Variants in NTN1 observed in about 807,000 individuals in gnomAD.
NTN1 encodes netrin 1, also known as netrin-1.
In NTN1, 11 loss-of-function variants were observed where a neutral mutation model predicts 54.2. That is an observed-to-expected ratio of 0.20 (90% CI 0.13 to 0.34). The LOEUF is 0.34. Ranked by LOEUF, NTN1 falls within the 10% of genes least tolerant of loss-of-function variation. The pLI, the probability that NTN1 is intolerant of heterozygous loss-of-function variation, is 1.00. For missense variants in NTN1, 740 were observed against 893.1 expected (o/e 0.83, Z 2.18); for synonymous variants, 371 against 382.0 (o/e 0.97, Z 0.33).
intron 2 of NTN1, among the ~76,000 whole-genome samples, chr17:9,118,959 G>A (rs901718352): frequency 2.0e-5 from 3 of 152,154 alleles, no homozygotes; most frequent in African/African-American, 7.2e-5. Flanking sequence ...CTTGCTATGA[G>A]TATTTGTGTG....
intron 2 of NTN1, among the ~76,000 whole-genome samples, chr17:9,043,359 C>G (rs903811834): frequency 2.6e-5 from 4 of 152,128 alleles, no homozygotes; most frequent in African/African-American, 9.7e-5. Flanking sequence ...TTTAAAAAAT[C>G]TATAACACTG....
intron 2 of NTN1, among the ~76,000 whole-genome samples, chr17:9,078,423 C>G (rs1202351876): frequency 1.3e-5 from 2 of 152,180 alleles, no homozygotes; most frequent in Non-Finnish European, 2.9e-5. Context: ...CATCTGGGAG[C>G]AGGTGAGGGA....
At chr17:9,056,827 C>T (rs1340992008) in intron 2 of NTN1, among the ~76,000 whole-genome samples, 2 of 152,142 alleles carry the variant, frequency 1.3e-5, no homozygotes, top group African/African-American at 4.8e-5. Context: ...TGAGATGTGG[C>T]AATGGCTTTT....
chr17:9,074,618 G>C (rs190361331), intron 2 of NTN1, among the ~76,000 whole-genome samples: 16 of 152,328 alleles, frequency 1.1e-4, no homozygotes, highest in East Asian at 5.8e-4. Flanking sequence ...CTGGGGAGGT[G>C]AAACACTTCT....
At position 9,022,328 on chromosome 17, in the gene NTN1, C is replaced by T; in HGVS notation, c.-46C>T. ...CTCCGCAGGCGCCTTCTGCGGCAGGCGGACAGATCCTCGGCGCGGCAGGGC... is the reference window on the plus strand; with the variant it reads ...CTCCGCAGGCGCCTTCTGCGGCAGGTGGACAGATCCTCGGCGCGGCAGGGC... On this transcript the variant is annotated 5_prime_UTR_variant, in exon 2 of 7. Coordinates refer to ENST00000173229, the MANE Select transcript of NTN1 (RefSeq NM_004822.3). 1.6e-6 allele frequency: 2 copies of T among 1,264,840 alleles called. No homozygotes were observed. The highest frequency in any genetic ancestry group is 2.0e-6 in the Non-Finnish European group (2 of 1,010,262). The allele number at this position is 1,264,840 out of a possible 1,614,324, so 78.4% of individuals were successfully genotyped here.
At chr17:9,142,459 G>A (rs2092301085) in intron 2 of NTN1, among the ~76,000 whole-genome samples, 1 of 152,038 alleles carries the variant, frequency 6.6e-6, no homozygotes, top group Non-Finnish European at 1.5e-5. Flanking sequence ...GGCTTAGCCA[G>A]CAGCAGGTAG....
At chr17:9,029,757 G>C (rs1380561455) in intron 2 of NTN1, among the ~76,000 whole-genome samples, 2 of 152,232 alleles carry the variant, frequency 1.3e-5, no homozygotes, top group Admixed American at 1.3e-4. Flanking sequence ...ACTTTGGGAG[G>C]TTGAGGCGGG....
In NTN1 at chr17:9,230,253, C is replaced by A. The variant is rs376409873; in HGVS notation, c.1486+9011C>A. ...CACCCTGGGGGCTGTCCCCCAAGGTCAGGGCCCCTGCTGTGGGCCCAGAGG... is the reference window on the plus strand; with the variant it reads ...CACCCTGGGGGCTGTCCCCCAAGGTAAGGGCCCCTGCTGTGGGCCCAGAGG... On this transcript the variant is annotated intron_variant, in intron 6 of 6. Coordinates refer to ENST00000173229, the MANE Select transcript of NTN1 (RefSeq NM_004822.3). Among the ~76,000 whole-genome samples, 12 of 152,256 alleles carry A rather than the reference C, an allele frequency of 7.9e-5. No homozygotes were observed. In the East Asian group the frequency reaches 9.7e-4, roughly 12 times the overall value.
Position 9,045,239 on chromosome 17 carries a change from A to G in NTN1, c.1018+21848A>G, listed in dbSNP as rs977493958. Among the ~76,000 whole-genome samples the G allele has an allele frequency of 1.9e-4, 29 of 152,266 alleles. 2 individuals carry two copies. Among genetic ancestry groups the G allele is most frequent in the Admixed American group, 2.0e-4 (3 of 15,288 alleles). On this transcript the variant is annotated intron_variant, in intron 2 of 6. Transcript: ENST00000173229. ...GGCTCACTCCCGTCTGTACATGAGC[A>G]TCTGCCTCATTGCCTTTTGGCCTGG...
At chr17:9,005,587 G>A in the NTN1 span, among the ~76,000 whole-genome samples, 1 of 152,168 alleles carries the variant, frequency 6.6e-6, no homozygotes, top group Non-Finnish European at 1.5e-5. Context: ...GGGGAATGCA[G>A]CCCAAATCAG....
the NTN1 span, among the ~76,000 whole-genome samples, chr17:9,009,347 G>C: frequency 2.6e-5 from 4 of 152,188 alleles, no homozygotes; most frequent in Non-Finnish European, 4.4e-5. Context: ...TGCTTGGCCA[G>C]AGGCTAGGAA....
rs547106843 is a variant in NTN1, at chr17:9,075,474, C to T, written c.1018+52083C>T. 7.6e-4 allele frequency among the ~76,000 whole-genome samples: 116 copies of T among 152,104 alleles called. 1 individual carries two copies. Among genetic ancestry groups the T allele is most frequent in the Middle Eastern group, 6.8e-3 (2 of 294 alleles). ...TCCAGCTGGGTGACAGAGGGAGACT[C>T]CATCTCAAACAAAAACAAAAACAAA... On this transcript the variant is annotated intron_variant, in intron 2 of 6. Coordinates refer to ENST00000173229, the MANE Select transcript of NTN1 (RefSeq NM_004822.3).
Position 9,083,095 on chromosome 17 carries a change from G to T in NTN1, c.1018+59704G>T, listed in dbSNP as rs914617598. Among the ~76,000 whole-genome samples, 6 of 149,148 alleles carry T rather than the reference G, an allele frequency of 4.0e-5. 1 individual carries two copies. Among genetic ancestry groups the T allele is most frequent in the Admixed American group, 4.0e-4 (6 of 14,962 alleles). On this transcript the variant is annotated intron_variant, in intron 2 of 6. Transcript: ENST00000173229. ...TTGGCCTTGGGGGGATTGTCCGTGGGTTTTTTTTTTCTTCTTCTTCTGAGA... is the reference window on the plus strand; with the variant it reads ...TTGGCCTTGGGGGGATTGTCCGTGGTTTTTTTTTTTCTTCTTCTTCTGAGA...
At chr17:9,116,590 C>T (rs745438066) in intron 2 of NTN1, among the ~76,000 whole-genome samples, 12 of 152,252 alleles carry the variant, frequency 7.9e-5, no homozygotes, top group Admixed American at 1.3e-4. Context: ...AGTGGGGCTG[C>T]GGAAGACGGT....
chr17:9,231,063 C>G (rs1009779602), intron 6 of NTN1, among the ~76,000 whole-genome samples: 7 of 152,118 alleles, frequency 4.6e-5, no homozygotes, highest in Non-Finnish European at 8.8e-5. Flanking sequence ...CAGCCGTGCC[C>G]TGTGTCTCCG....
At chr17:9,195,750 C>T (rs764145288) in intron 5 of NTN1, among the ~76,000 whole-genome samples, 18 of 152,266 alleles carry the variant, frequency 1.2e-4, no homozygotes, top group East Asian at 5.8e-4. Context: ...GCAGCGGGCT[C>T]GCCTGGCAGA....
At chr17:9,094,896 G>C (rs1264807523) in intron 2 of NTN1, among the ~76,000 whole-genome samples, 1 of 151,706 alleles carries the variant, frequency 6.6e-6, no homozygotes, top group Non-Finnish European at 1.5e-5. Flanking sequence ...GGCTGAGGCA[G>C]GAGAATCGCT....
chr17:9,122,961 T>C (rs998598644), intron 2 of NTN1, among the ~76,000 whole-genome samples: 2 of 152,244 alleles, frequency 1.3e-5, no homozygotes, highest in African/African-American at 4.8e-5. Flanking sequence ...GACATTTTGC[T>C]GTTTTTCAGG....
rs1905115301 is a variant in NTN1, at chr17:9,211,843, TC to T, written c.1412-9323del. Reference sequence around the variant, plus strand: ...ATTTCCTCTTTTGTGAATGGCCTGTTCCTTCCCTTTGAATTTTTGGTTGCTG... The same window carrying T: ...ATTTCCTCTTTTGTGAATGGCCTGTTCTTCCCTTTGAATTTTTGGTTGCTG... On this transcript the variant is annotated intron_variant, in intron 5 of 6. Coordinates refer to ENST00000173229, the MANE Select transcript of NTN1 (RefSeq NM_004822.3). This position sits in a 1 kb window ranked among gnomAD's most constrained non-coding sequence, Gnocchi z 4.4. Among the ~76,000 whole-genome samples, 1 of 152,270 alleles carries T rather than the reference TC, an allele frequency of 6.6e-6. No individual in the cohort carries two copies. Among genetic ancestry groups the T allele is most frequent in the South Asian group, 2.1e-4 (1 of 4,834 alleles).
Sources: allele counts gnomAD v4.1 joint callset (sites outside exome capture counted in the v4.1 genomes callset), GRCh38; gene constraint gnomAD v4.1.1; non-coding constraint Gnocchi (gnomAD v3.1); transcripts MANE v1.5; gene names NCBI Gene and HGNC (gene_info 2026-07-23, HGNC 2026-07-21).